U2SURP: variants seen among roughly 807,000 people sequenced by gnomAD.
U2SURP encodes the protein U2 snRNP-associated SURP motif-containing protein.
Under a neutral mutation model 144.9 loss-of-function variants are expected in U2SURP, and 9 were observed. The ratio of observed to expected loss-of-function variants is 0.06; its 90% CI spans 0.04 to 0.11. The LOEUF is 0.11. U2SURP is among the 10% of genes least tolerant of loss of function. U2SURP has a pLI of 1.00. For synonymous variants in U2SURP, 408 were observed against 396.8 expected (o/e 1.03, Z -0.33); for missense variants, 724 against 1,226.7 (o/e 0.59, Z 6.12).
At chr3:143,009,464 G>A (rs932146900) in intron 1 of U2SURP, among the ~76,000 whole-genome samples, 1 of 152,072 alleles carries the variant, frequency 6.6e-6, no homozygotes, top group Non-Finnish European at 1.5e-5. Flanking sequence ...CAGGCATGGT[G>A]GTGCGTGCCT....
At chr3:143,027,522 T>G (rs1391403679) in intron 14 of U2SURP, among the ~76,000 whole-genome samples, 1 of 152,176 alleles carries the variant, frequency 6.6e-6, no homozygotes, top group African/African-American at 2.4e-5. Context: ...TAAACTCACA[T>G]GAGTATAATC....
At chr3:143,028,224 G>T (rs1278362497) in intron 14 of U2SURP, 116 bp from the exon 15 acceptor site, 2 of 1,226,446 alleles carry the variant, frequency 1.6e-6, no homozygotes, top group East Asian at 2.6e-5. Flanking sequence ...AGGGATCTTT[G>T]TTTTTGTTTT....
intron 1 of U2SURP, among the ~76,000 whole-genome samples, 183 bp downstream of exon 1, chr3:143,001,856 G>A (rs533864079): frequency 4.3e-4 from 65 of 152,348 alleles, no homozygotes; most frequent in Admixed American, 3.7e-3. Flanking sequence ...CATAGTCCCA[G>A]CCGGGATTCA....
intron 19 of U2SURP, 39 bp from the exon 20 acceptor site, chr3:143,035,943 C>T (rs1418249730): frequency 1.9e-6 from 3 of 1,551,844 alleles, no homozygotes; most frequent in South Asian, 1.3e-5. Context: ...GACATATAGC[C>T]CAAAATAAAA....
In U2SURP at chr3:143,037,277, C is replaced by G; in HGVS notation, c.2163C>G (p.Ile721Met). 6.2e-7 allele frequency: 1 copy of G among 1,612,612 alleles called. No individual in the cohort carries two copies. The highest frequency in any genetic ancestry group is 2.2e-5 in the East Asian group (1 of 44,860). Residue 721 changes from isoleucine (I) to methionine (M), a missense_variant, in exon 21 of 28, where the codon ATC (isoleucine) becomes ATG (methionine). This residue lies in a region of U2SURP where 116 missense variants were observed against 167.9 expected (regional missense o/e 0.69). Transcript: ENST00000473835. ...GAATTCCTATTGATGCTACTCCCAT[C>G]GATGATCTTGATGGAGTCCCTATAA... Reference protein sequence around the residue: ...VDGIPIDATPIDDLDGVPIKS... With the variant: ...VDGIPIDATPMDDLDGVPIKS...
At chr3:143,020,568 C>T (rs773109568) in intron 7 of U2SURP, 31 bp from the exon 8 acceptor site, 2 of 1,548,358 alleles carry the variant, frequency 1.3e-6, no homozygotes, top group Non-Finnish European at 8.8e-7. Context: ...AATTTTGGCT[C>T]ATTATAAGTG....
Position 143,009,414 on chromosome 3 carries a change from G to A in U2SURP, c.46-1401G>A, listed in dbSNP as rs1427177234. Among the ~76,000 whole-genome samples, 3 of 151,700 alleles carry A rather than the reference G, an allele frequency of 2.0e-5. No individual in the cohort carries two copies. In the East Asian group the frequency reaches 5.8e-4, roughly 30 times the overall value. ...GGAGTTCGAGACCAGCCTGGCCAAC[G>A]TGGTAAAACTCCGTCTCTACTAAAA... On this transcript the variant is annotated intron_variant, in intron 1 of 27. Coordinates refer to ENST00000473835, the MANE Select transcript of U2SURP (RefSeq NM_001080415.2).
chr3:143,003,244 CTT>C (rs1935630312), intron 1 of U2SURP, among the ~76,000 whole-genome samples: 4 of 152,130 alleles, frequency 2.6e-5, no homozygotes. Context: ...ATTATAATCT[CTT>C]GATGCTATTA....
intron 16 of U2SURP, among the ~76,000 whole-genome samples, chr3:143,031,106 A>G (rs993012740): frequency 5.3e-5 from 8 of 152,182 alleles, no homozygotes; most frequent in African/African-American, 1.7e-4. Context: ...TCATGATAAA[A>G]CTTTAATAAA....
chr3:143,031,179 A>C (rs1442577483), intron 16 of U2SURP, among the ~76,000 whole-genome samples: 1 of 152,184 alleles, frequency 6.6e-6, no homozygotes, highest in East Asian at 1.9e-4. Context: ...TGTATTTCTG[A>C]TGAAGAAGCT....
At chr3:143,015,314 G>T (rs527996629) in intron 4 of U2SURP, among the ~76,000 whole-genome samples, 2 of 152,134 alleles carry the variant, frequency 1.3e-5, no homozygotes, top group East Asian at 3.9e-4. Flanking sequence ...GTTATACAAG[G>T]TACAATTTTT....
chr3:143,051,193 A>T (rs1934835338), intron 25 of U2SURP, 144 bp downstream of exon 25: 1 of 535,114 alleles, frequency 1.9e-6, no homozygotes, highest in Admixed American at 3.5e-5. Flanking sequence ...AAACATTTGA[A>T]ATTTGATATT....
At chr3:143,022,398 T>A in intron 10 of U2SURP, 99 bp from the exon 11 acceptor site, 2 of 1,171,272 alleles carry the variant, frequency 1.7e-6, no homozygotes, top group Admixed American at 5.5e-5. Context: ...AGCACGTTGC[T>A]ATGTTGCTTT....
intron 5 of U2SURP, 47 bp from the exon 6 acceptor site, chr3:143,016,795 A>C: frequency 2.1e-6 from 3 of 1,457,522 alleles, no homozygotes; most frequent in Non-Finnish European, 2.7e-6. Context: ...AACAGTAAAG[A>C]AAAATATTGC....
At chr3:143,052,757 A>C (rs938549369) in intron 25 of U2SURP, among the ~76,000 whole-genome samples, 16 of 152,228 alleles carry the variant, frequency 1.1e-4, no homozygotes, top group African/African-American at 3.9e-4. Context: ...CACCTTTTAG[A>C]AATCAGAAGA....
At chr3:143,043,344 C>G in intron 24 of U2SURP, 68 bp downstream of exon 24, 1 of 1,484,970 alleles carries the variant, frequency 6.7e-7, no homozygotes, top group Admixed American at 2.1e-5. Context: ...AACTAAGTTG[C>G]CTCTTTGCAT....
intron 8 of U2SURP, among the ~76,000 whole-genome samples, 195 bp from the exon 9 acceptor site, chr3:143,021,155 C>T (rs1373008140): frequency 2.0e-5 from 3 of 152,138 alleles, no homozygotes; most frequent in Non-Finnish European, 4.4e-5. Context: ...CGTGCCATTG[C>T]ACTCCAGCCT....
At chr3:143,054,853 T>A in intron 26 of U2SURP, 90 bp from the exon 27 acceptor site, 1 of 1,301,818 alleles carries the variant, frequency 7.7e-7, no homozygotes, top group South Asian at 1.7e-5. Flanking sequence ...AAGAGTAAGC[T>A]GGTAGCAATT....
At chr3:143,023,268 T>C in intron 12 of U2SURP, 1 of 491,602 alleles carries the variant, frequency 2.0e-6, no homozygotes. Context: ...GTGGCTACCA[T>C]TCCTTTTTTG....
Sources: gnomAD v4.1 joint callset for allele counts (sites outside exome capture counted in the v4.1 genomes callset) on GRCh38, gnomAD v4.1.1 for gene constraint, gnomAD v4.1.1 regional missense constraint, MANE v1.5 for transcripts, NCBI Gene and HGNC (gene_info 2026-07-23, HGNC 2026-07-21) for gene names.